Variants in MROH1 observed in about 807,000 individuals in gnomAD.
The protein encoded by MROH1 is maestro heat-like repeat-containing protein family member 1.
Under a neutral mutation model 116.5 loss-of-function variants are expected in MROH1, and 117 were observed. That is an observed-to-expected ratio of 1.00 (90% CI 0.86 to 1.17). The LOEUF (loss-of-function observed/expected upper bound fraction) is 1.17. Ranked by LOEUF, MROH1 falls within the 50% of genes most tolerant of loss-of-function variation. The pLI, the probability that MROH1 is intolerant of heterozygous loss-of-function variation, is 0.00. For synonymous variants in MROH1, 921 were observed against 583.9 expected (o/e 1.58, Z -8.32); for missense variants, 1,873 against 1,338.5 (o/e 1.40, Z -6.23).
chr8:144,258,675 C>T (rs1312036834), intron 35 of MROH1, 102 bp from the exon 36 acceptor site: 2 of 697,028 alleles, frequency 2.9e-6, no homozygotes, highest in Non-Finnish European at 5.2e-6. Flanking sequence ...TAGGGCTAGC[C>T]ACCAGGTGGG....
At chr8:144,176,410 C>T (rs1440533640) in intron 4 of MROH1, among the ~76,000 whole-genome samples, 6 of 150,444 alleles carry the variant, frequency 4.0e-5, no homozygotes, top group Non-Finnish European at 8.9e-5. Context: ...GTGGTGTGTG[C>T]CTGTAGTCCC....
intron 12 of MROH1, among the ~76,000 whole-genome samples, chr8:144,219,680 A>G (rs1265929795): frequency 6.6e-5 from 10 of 152,180 alleles, no homozygotes; most frequent in African/African-American, 2.4e-4. Flanking sequence ...CCAAACCCTC[A>G]GAGAAGGAAC....
At chr8:144,183,669 T>G (rs771821605) in intron 7 of MROH1, among the ~76,000 whole-genome samples, 1 of 151,334 alleles carries the variant, frequency 6.6e-6, no homozygotes, top group Non-Finnish European at 1.5e-5. Flanking sequence ...TTTTTTGAGA[T>G]GGAGTCTCGC....
intron 4 of MROH1, among the ~76,000 whole-genome samples, chr8:144,178,246 C>T (rs1380404100): frequency 1.3e-5 from 2 of 152,156 alleles, no homozygotes; most frequent in African/African-American, 2.4e-5. Context: ...ATTCTTCTGC[C>T]TCAGCCTCCC....
rs1487670407 is a variant in MROH1 at position 144,241,425 on chromosome 8, A to G, written c.2086A>G (p.Ile696Val). 1.3e-6 allele frequency: 1 copy of G among 778,538 alleles called. No individual in the cohort carries two copies. The highest frequency in any genetic ancestry group is 1.3e-5 in the South Asian group (1 of 74,514). The allele number at this position is 778,538 out of a possible 1,614,324, so 48.2% of individuals were successfully genotyped here. A position where few individuals can be genotyped will look rare whatever the true frequency, so the allele number is the denominator to read the frequency against. ...CGCCTGCTGCTTCGGGATCTGTGCC[A>G]TCTCCCACCTCGAGGACACGCTGGC... ...GLACCFGICAISHLEDTLAQL... is the reference protein window; with the variant it reads ...GLACCFGICAVSHLEDTLAQL... The change falls in exon 22 of 44, where the codon ATC becomes GTC. Residue 696 changes from isoleucine to valine, a missense_variant. Coordinates refer to ENST00000326134, the MANE Select transcript of MROH1 (RefSeq NM_032450.3).
chr8:144,217,752 C>T (rs1037418723), intron 12 of MROH1, among the ~76,000 whole-genome samples: 2 of 152,180 alleles, frequency 1.3e-5, no homozygotes, highest in Non-Finnish European at 2.9e-5. Flanking sequence ...GACAAGTGTG[C>T]GTGACCACAC....
intron 35 of MROH1, among the ~76,000 whole-genome samples, chr8:144,255,945 C>T (rs967269029): frequency 1.8e-4 from 27 of 152,346 alleles, no homozygotes; most frequent in African/African-American, 6.3e-4. Flanking sequence ...GCGGTCTGCA[C>T]GGTGGTGCTG....
intron 14 of MROH1, among the ~76,000 whole-genome samples, chr8:144,225,429 A>G (rs1837603230): frequency 6.6e-6 from 1 of 152,144 alleles, no homozygotes; most frequent in South Asian, 2.1e-4. Flanking sequence ...TCAGCCTCCC[A>G]AAGTGCTGGG....
intron 4 of MROH1, among the ~76,000 whole-genome samples, chr8:144,173,138 C>G (rs1413699212): frequency 7.1e-6 from 1 of 140,650 alleles, no homozygotes; most frequent in Admixed American, 7.4e-5. Context: ...GAGTCTCGCT[C>G]TGTTGCCCAG....
At chr8:144,185,186 C>T (rs1269422330) in intron 7 of MROH1, among the ~76,000 whole-genome samples, 1 of 152,152 alleles carries the variant, frequency 6.6e-6, no homozygotes, top group Non-Finnish European at 1.5e-5. Context: ...CACTGGAATC[C>T]TCGTGCTGTG....
At chr8:144,190,720 A>T (rs1828353344) in intron 7 of MROH1, 64 bp from the exon 8 acceptor site, 1 of 1,576,840 alleles carries the variant, frequency 6.3e-7, no homozygotes, top group Non-Finnish European at 8.6e-7. Flanking sequence ...GGAGGCAGAC[A>T]TAGGTGCTGA....
intron 4 of MROH1, among the ~76,000 whole-genome samples, chr8:144,170,654 A>G (rs1019914649): frequency 3.3e-5 from 5 of 152,270 alleles, no homozygotes; most frequent in Non-Finnish European, 5.9e-5. Context: ...CTCAGATGTC[A>G]GCACAGTGTC....
intron 33 of MROH1, chr8:144,251,638 G>A (rs1842861163): frequency 6.7e-6 from 1 of 149,284 alleles, no homozygotes; most frequent in Admixed American, 6.6e-5. Flanking sequence ...ATTGTTCCTG[G>A]GCACAGCCGG....
chr8:144,168,091 C>T (rs1821399118), intron 3 of MROH1, among the ~76,000 whole-genome samples: 2 of 152,178 alleles, frequency 1.3e-5, no homozygotes, highest in African/African-American at 2.4e-5. Flanking sequence ...TACAGCTCCA[C>T]AGCCTGTCAC....
At chr8:144,213,301 G>A (rs1025478533) in intron 12 of MROH1, 10 of 518,780 alleles carry the variant, frequency 1.9e-5, no homozygotes, top group East Asian at 5.7e-5. Context: ...CATGATCTTC[G>A]ACCTCATGCT....
At position 144,182,694 on chromosome 8, in the gene MROH1, C is replaced by T. The variant is rs1226806445; in HGVS notation, c.562+2171C>T. On this transcript the variant is annotated intron_variant, in intron 7 of 43. Coordinates refer to ENST00000326134, the MANE Select transcript of MROH1 (RefSeq NM_032450.3). This position sits in a 1 kb window ranked among gnomAD's most constrained non-coding sequence, Gnocchi z 4.1. ...AGTAGGAGAGAAAGAGAAGAATGAA[C>T]TAGCAGGCTGAACCCTGAAGCCAGC... 1.3e-5 allele frequency among the ~76,000 whole-genome samples: 2 copies of T among 152,124 alleles called. No individual in the cohort carries two copies. The highest frequency in any genetic ancestry group is 2.4e-5 in the African/African-American group (1 of 41,426).
intron 12 of MROH1, among the ~76,000 whole-genome samples, chr8:144,207,862 G>T (rs887065372): frequency 6.6e-6 from 1 of 151,718 alleles, no homozygotes; most frequent in Non-Finnish European, 1.5e-5. Context: ...GTTTGAGCTT[G>T]CAAATTTATG....
At chr8:144,215,685 C>T (rs569365383) in intron 12 of MROH1, among the ~76,000 whole-genome samples, 2 of 151,704 alleles carry the variant, frequency 1.3e-5, no homozygotes, top group East Asian at 3.9e-4. Flanking sequence ...TCCTGGCTAA[C>T]ACGGTGAAAC....
chr8:144,175,663 C>T (rs899983904), intron 4 of MROH1: 53 of 549,982 alleles, frequency 9.6e-5, no homozygotes, highest in Non-Finnish European at 1.2e-4. Context: ...AGGGCACACG[C>T]CTGTAATCCC....
Sources: gnomAD v4.1 joint callset for allele counts (sites outside exome capture counted in the v4.1 genomes callset) on GRCh38, gnomAD v4.1.1 for gene constraint, Gnocchi (gnomAD v3.1) non-coding constraint, MANE v1.5 for transcripts, NCBI Gene and HGNC (gene_info 2026-07-23, HGNC 2026-07-21) for gene names.